XKR4: variants seen among roughly 807,000 people sequenced by gnomAD.
The protein encoded by XKR4 is XK related 4.
Under a neutral mutation model 53.9 loss-of-function variants are expected in XKR4, and 12 were observed. The observed-to-expected ratio is 0.22, with a 90% CI of 0.14 to 0.36. The LOEUF (loss-of-function observed/expected upper bound fraction) is 0.36, where lower values mean the gene tolerates loss of function less well. XKR4 is among the 10% of genes least tolerant of loss of function. The pLI, the probability that XKR4 is intolerant of heterozygous loss-of-function variation, is 1.00. For missense variants in XKR4, 799 were observed against 859.5 expected (o/e 0.93, Z 0.88); for synonymous variants, 354 against 362.4 (o/e 0.98, Z 0.26).
At chr8:55,171,203 C>T (rs949324465) in intron 1 of XKR4, among the ~76,000 whole-genome samples, 1 of 152,164 alleles carries the variant, frequency 6.6e-6, no homozygotes, top group Non-Finnish European at 1.5e-5. Flanking sequence ...AATAAAAATA[C>T]ATTTCTGAGT....
intron 1 of XKR4, among the ~76,000 whole-genome samples, chr8:55,284,157 G>A (rs1254358654): frequency 6.6e-6 from 1 of 152,040 alleles, no homozygotes; most frequent in Non-Finnish European, 1.5e-5. Flanking sequence ...AAGGTGTTAG[G>A]TTTCTTTGTA....
intron 2 of XKR4, among the ~76,000 whole-genome samples, chr8:55,393,321 G>A (rs1314433365): frequency 6.6e-6 from 1 of 151,720 alleles, no homozygotes; most frequent in Non-Finnish European, 1.5e-5. Context: ...TAAAATATGG[G>A]ATTTCTAAAG....
At chr8:55,445,580 A>G (rs1254430832) in intron 2 of XKR4, among the ~76,000 whole-genome samples, 1 of 152,106 alleles carries the variant, frequency 6.6e-6, no homozygotes, top group Non-Finnish European at 1.5e-5. Flanking sequence ...TCTGGCCTGA[A>G]ATTATGTCTG....
chr8:55,274,564 C>T (rs1446502494), intron 1 of XKR4, among the ~76,000 whole-genome samples: 2 of 152,150 alleles, frequency 1.3e-5, no homozygotes, highest in Non-Finnish European at 2.9e-5. Flanking sequence ...TCCTGAGTAG[C>T]TGGGACTACA....
At chr8:55,139,403 G>A (rs926702867) in intron 1 of XKR4, among the ~76,000 whole-genome samples, 16 of 151,226 alleles carry the variant, frequency 1.1e-4, no homozygotes, top group African/African-American at 2.0e-4. Flanking sequence ...ATGCGGTGGC[G>A]GCAGGCCCCG....
chr8:55,369,864 T>G (rs1243222898), intron 2 of XKR4, among the ~76,000 whole-genome samples: 1 of 152,140 alleles, frequency 6.6e-6, no homozygotes. Flanking sequence ...ATTATATATA[T>G]TTGCTATAAT....
chr8:55,102,487 TC>T lies in XKR4; in HGVS notation c.-1del. ...AGGGCTCTCCTCCGGTGTGGAGGCATCATGGCCGCTAAATCAGACGGGAGGC... is the reference window on the plus strand; with the variant it reads ...AGGGCTCTCCTCCGGTGTGGAGGCATATGGCCGCTAAATCAGACGGGAGGC... On this transcript the variant is annotated 5_prime_UTR_variant, in exon 1 of 3. Transcript: ENST00000327381. The surrounding 1 kb of genome is among the most constrained non-coding windows in gnomAD (Gnocchi z 5.1). 6.5e-7 allele frequency: 1 copy of T among 1,548,118 alleles called. No individual in the cohort carries two copies. Among genetic ancestry groups the T allele is most frequent in the South Asian group, 1.1e-5 (1 of 88,616 alleles).
At chr8:55,130,745 G>A (rs1443129752) in intron 1 of XKR4, among the ~76,000 whole-genome samples, 3 of 151,116 alleles carry the variant, frequency 2.0e-5, no homozygotes, top group East Asian at 1.9e-4. Flanking sequence ...ATATGTGCAC[G>A]TGTGTGTGTG....
chr8:55,206,967 C>A (rs548766035), intron 1 of XKR4, among the ~76,000 whole-genome samples: 1 of 152,240 alleles, frequency 6.6e-6, no homozygotes, highest in South Asian at 2.1e-4. Context: ...CCCTGCCCCG[C>A]GGCATAGTCT....
intron 2 of XKR4, among the ~76,000 whole-genome samples, chr8:55,474,051 C>G (rs1805937014): frequency 6.6e-6 from 1 of 152,002 alleles, no homozygotes; most frequent in South Asian, 2.1e-4. Context: ...ACTATAGGAG[C>G]ACATCACCAC....
At chr8:55,496,280 T>C (rs1181769785) in intron 2 of XKR4, among the ~76,000 whole-genome samples, 1 of 152,204 alleles carries the variant, frequency 6.6e-6, no homozygotes, top group Non-Finnish European at 1.5e-5. Flanking sequence ...AGAATCATTG[T>C]CTCTTATTCA....
At chr8:55,237,255 C>T (rs1240232625) in intron 1 of XKR4, among the ~76,000 whole-genome samples, 2 of 152,188 alleles carry the variant, frequency 1.3e-5, no homozygotes, top group African/African-American at 4.8e-5. Context: ...CAACCCCCCA[C>T]AAAGTCAAAA....
intron 1 of XKR4, among the ~76,000 whole-genome samples, chr8:55,248,330 G>T (rs1167232858): frequency 1.3e-5 from 2 of 152,144 alleles, no homozygotes; most frequent in African/African-American, 4.8e-5. Flanking sequence ...CCCCACCAAA[G>T]TGCATTCATC....
chr8:55,249,235 T>C (rs1818333050), intron 1 of XKR4, among the ~76,000 whole-genome samples: 1 of 152,224 alleles, frequency 6.6e-6, no homozygotes, highest in Admixed American at 6.5e-5. Flanking sequence ...CATGAAGAGC[T>C]AAAACCTGAA....
At chr8:55,420,826 AAAAG>A (rs1462831020) in intron 2 of XKR4, among the ~76,000 whole-genome samples, 1 of 147,068 alleles carries the variant, frequency 6.8e-6, no homozygotes, top group African/African-American at 2.5e-5. Context: ...AAATAAATAA[AAAAG>A]AAAGATCCTT....
chr8:55,114,845 G>A (rs763589660), intron 1 of XKR4, among the ~76,000 whole-genome samples: 1 of 152,154 alleles, frequency 6.6e-6, no homozygotes. Context: ...TAAGCAACCA[G>A]TGTTAGCCCC....
At chr8:55,237,031 T>C (rs1032562376) in intron 1 of XKR4, among the ~76,000 whole-genome samples, 1 of 152,248 alleles carries the variant, frequency 6.6e-6, no homozygotes, top group African/African-American at 2.4e-5. Context: ...TGCTTCTTCT[T>C]CAAGGTCTAG....
chr8:55,468,707 G>A (rs1805818453), intron 2 of XKR4, among the ~76,000 whole-genome samples: 1 of 152,000 alleles, frequency 6.6e-6, no homozygotes, highest in Admixed American at 6.6e-5. Context: ...GAAGTCTCAG[G>A]CATTAAATGT....
In XKR4 at chr8:55,155,204, C is replaced by T. The variant is rs545676842; in HGVS notation, c.806+51910C>T. ...TGCGCGCTGATCTCCAAGATCCCTGCCCTCTTCCCACATTGCTGCTCCCAG... is the reference window on the plus strand; with the variant it reads ...TGCGCGCTGATCTCCAAGATCCCTGTCCTCTTCCCACATTGCTGCTCCCAG... On this transcript the variant is annotated intron_variant, in intron 1 of 2. Coordinates refer to ENST00000327381, the MANE Select transcript of XKR4 (RefSeq NM_052898.2). Among the ~76,000 whole-genome samples the T allele has an allele frequency of 2.0e-5, 3 of 152,250 alleles. No individual in the cohort carries two copies. The South Asian group carries it at 6.2e-4, about 32-fold the overall frequency.
Sources: gnomAD v4.1 joint callset for allele counts (sites outside exome capture counted in the v4.1 genomes callset) on GRCh38, gnomAD v4.1.1 for gene constraint, Gnocchi (gnomAD v3.1) non-coding constraint, MANE v1.5 for transcripts, NCBI Gene and HGNC (gene_info 2026-07-23, HGNC 2026-07-21) for gene names.